SPAG16: variants seen among roughly 807,000 people sequenced by gnomAD.
SPAG16 encodes the protein sperm associated antigen 16.
Under a neutral mutation model 80.4 loss-of-function variants are expected in SPAG16, and 86 were observed. That is an observed-to-expected ratio of 1.07 (90% CI 0.90 to 1.28). The LOEUF is 1.28. Among genes scored for constraint, SPAG16 ranks in the 50% most tolerant of loss-of-function variants. The pLI is 0.00. For synonymous variants in SPAG16, 294 were observed against 265.9 expected (o/e 1.11, Z -1.03); for missense variants, 870 against 765.3 (o/e 1.14, Z -1.61).
At chr2:214,040,750 T>C (rs1290672127) in intron 13 of SPAG16, among the ~76,000 whole-genome samples, 1 of 152,154 alleles carries the variant, frequency 6.6e-6, no homozygotes, top group African/African-American at 2.4e-5. Flanking sequence ...ATTTATTGGC[T>C]AAAGTCTGCA....
intron 15 of SPAG16, among the ~76,000 whole-genome samples, chr2:214,231,024 T>C (rs1021754538): frequency 4.0e-5 from 6 of 151,890 alleles, no homozygotes; most frequent in African/African-American, 1.4e-4. Flanking sequence ...CCTTCTTTGG[T>C]TGACAAGTTC....
At chr2:214,376,883 G>A (rs912490917) in intron 15 of SPAG16, among the ~76,000 whole-genome samples, 6 of 152,148 alleles carry the variant, frequency 3.9e-5, no homozygotes, top group African/African-American at 1.4e-4. Context: ...AACAACACAG[G>A]TTTGAACTGC....
chr2:213,944,666 G>T (rs537730906), intron 12 of SPAG16, among the ~76,000 whole-genome samples: 22 of 152,086 alleles, frequency 1.4e-4, no homozygotes, highest in Admixed American at 1.2e-3. Context: ...AGAAGGACAT[G>T]AATTGTGGGG....
chr2:214,227,441 A>G (rs1210047802), intron 15 of SPAG16, among the ~76,000 whole-genome samples: 1 of 152,024 alleles, frequency 6.6e-6, no homozygotes, highest in African/African-American at 2.4e-5. Flanking sequence ...ACTACATATA[A>G]CATTTCCTAT....
intron 15 of SPAG16, among the ~76,000 whole-genome samples, chr2:214,345,955 A>G (rs1271283414): frequency 1.3e-5 from 2 of 152,168 alleles, no homozygotes; most frequent in Non-Finnish European, 2.9e-5. Context: ...TATTCATTGT[A>G]TTATTGGCTA....
intron 12 of SPAG16, among the ~76,000 whole-genome samples, chr2:213,943,085 C>T (rs887913471): frequency 6.6e-6 from 1 of 152,182 alleles, no homozygotes; most frequent in African/African-American, 2.4e-5. Flanking sequence ...CTGGCCACCT[C>T]ATCTTAGATT....
At chr2:213,669,778 T>C (rs1362927249) in intron 10 of SPAG16, among the ~76,000 whole-genome samples, 1 of 152,186 alleles carries the variant, frequency 6.6e-6, no homozygotes, top group Admixed American at 6.5e-5. Flanking sequence ...TGTTCTCTGG[T>C]AAATACCTTT....
chr2:214,391,367 G>T (rs545195550), intron 15 of SPAG16, among the ~76,000 whole-genome samples: 3 of 152,044 alleles, frequency 2.0e-5, no homozygotes, highest in African/African-American at 7.2e-5. Context: ...TTCATTAAAC[G>T]TATTTCTTCT....
intron 14 of SPAG16, among the ~76,000 whole-genome samples, chr2:214,124,792 T>C (rs959312968): frequency 1.4e-4 from 22 of 151,790 alleles, no homozygotes; most frequent in Non-Finnish European, 2.4e-4. Flanking sequence ...GTATACCAAG[T>C]GGCTCTGCAG....
chr2:213,952,306 G>C (rs2106326864), intron 12 of SPAG16, among the ~76,000 whole-genome samples: 1 of 152,128 alleles, frequency 6.6e-6, no homozygotes, highest in African/African-American at 2.4e-5. Flanking sequence ...AAAGAAAATA[G>C]AGGATAGAGC....
intron 9 of SPAG16, among the ~76,000 whole-genome samples, chr2:213,423,913 A>G (rs114527825): frequency 1.0e-3 from 152 of 152,316 alleles, no homozygotes; most frequent in Non-Finnish European, 1.9e-3. Context: ...GGTGAAAACT[A>G]GTATTATCAG....
At chr2:214,097,027 G>A (rs12151624) in intron 13 of SPAG16, among the ~76,000 whole-genome samples, 20,904 of 151,892 alleles carry the variant, frequency 0.14, 1,589 homozygotes, top group Admixed American at 0.18. Context: ...TATATGAAAT[G>A]TTATATAAAT....
chr2:213,642,778 G>A (rs187052911), intron 10 of SPAG16, among the ~76,000 whole-genome samples: 704 of 35,628 alleles, frequency 0.02, 137 homozygotes, highest in African/African-American at 0.12. Flanking sequence ...CCGAGATCCC[G>A]CCACTGCACT....
At chr2:214,198,629 CTGGATCGAA>C (rs1487652956) in intron 15 of SPAG16, among the ~76,000 whole-genome samples, 2 of 152,008 alleles carry the variant, frequency 1.3e-5, no homozygotes, top group Admixed American at 1.3e-4. Context: ...AGTGCAATTG[CTGGATCGAA>C]TGGTAGTTAT....
intron 9 of SPAG16, among the ~76,000 whole-genome samples, chr2:213,485,213 C>T (rs932790299): frequency 2.6e-5 from 4 of 151,880 alleles, no homozygotes; most frequent in Non-Finnish European, 4.4e-5. Flanking sequence ...AGGCTGGTCT[C>T]GAACTCCTGA....
chr2:213,414,964 C>G (rs548290684), intron 9 of SPAG16, among the ~76,000 whole-genome samples: 10 of 152,290 alleles, frequency 6.6e-5, no homozygotes, highest in African/African-American at 2.4e-4. Flanking sequence ...AATGGAAACC[C>G]ATGATAAAAC....
intron 12 of SPAG16, among the ~76,000 whole-genome samples, chr2:213,970,590 C>T (rs1390576497): frequency 3.9e-5 from 6 of 152,146 alleles, no homozygotes; most frequent in Non-Finnish European, 8.8e-5. Flanking sequence ...TGTGAACCAC[C>T]ACATCTGGCG....
At chr2:214,038,876 T>C (rs6435811) in intron 13 of SPAG16, among the ~76,000 whole-genome samples, 145,406 of 152,232 alleles carry the variant, frequency 0.96, 69,639 homozygotes, top group Non-Finnish European at 0.99. Context: ...ATGAAATCAT[T>C]ATTTTTTATG....
At chr2:213,498,572 C>A (rs923312652) in intron 10 of SPAG16, among the ~76,000 whole-genome samples, 2 of 152,074 alleles carry the variant, frequency 1.3e-5, no homozygotes, top group African/African-American at 2.4e-5. Context: ...AAACTCCTGA[C>A]ATTATCCCAA....
Sources: gnomAD v4.1 joint callset for allele counts (sites outside exome capture counted in the v4.1 genomes callset) on GRCh38, gnomAD v4.1.1 for gene constraint, MANE v1.5 for transcripts, NCBI Gene and HGNC (gene_info 2026-07-23, HGNC 2026-07-21) for gene names.